The following HTR3B variants were observed in gnomAD, a reference collection of about 807,000 sequenced individuals.
The protein encoded by HTR3B is 5-hydroxytryptamine receptor 3B.
HTR3B carries 44 observed loss-of-function variants against 42.8 expected under a neutral mutation model. The ratio of observed to expected loss-of-function variants is 1.03; its 90% CI spans 0.81 to 1.32. The LOEUF is 1.32. Ranked by LOEUF, HTR3B falls within the 40% of genes most tolerant of loss-of-function variation. The pLI, the probability that HTR3B is intolerant of heterozygous loss-of-function variation, is 0.00. For missense variants in HTR3B, 527 were observed against 536.5 expected, an observed-to-expected ratio of 0.98 and a Z score of 0.17; for synonymous variants, 203 against 209.0, an observed-to-expected ratio of 0.97 and a Z score of 0.25.
At chr11:113,915,763 T>C (rs920536365) in intron 2 of HTR3B, among the ~76,000 whole-genome samples, 2 of 152,258 alleles carry the variant, frequency 1.3e-5, no homozygotes, top group Non-Finnish European at 1.5e-5. Flanking sequence ...GTGGCTGTTA[T>C]CATTTTGCAT....
chr11:113,919,959 A>G (rs539712896), intron 2 of HTR3B, among the ~76,000 whole-genome samples: 1 of 152,104 alleles, frequency 6.6e-6, no homozygotes, highest in Non-Finnish European at 1.5e-5. Flanking sequence ...CCCCTAATCA[A>G]TTGTTTCATT....
upstream of HTR3B, among the ~76,000 whole-genome samples, chr11:113,903,538 C>T (rs1203714193): frequency 6.6e-6 from 1 of 151,580 alleles, no homozygotes; most frequent in East Asian, 1.9e-4. Context: ...AAACAATTCC[C>T]CTGCCTCAGC....
chr11:113,900,565 C>T (rs1949690710), upstream of HTR3B, among the ~76,000 whole-genome samples: 1 of 152,088 alleles, frequency 6.6e-6, no homozygotes, highest in Non-Finnish European at 1.5e-5. Flanking sequence ...GCAATCTCGG[C>T]TCACTGCAAC....
At chr11:113,911,283 T>C (rs1446339961) in intron 2 of HTR3B, among the ~76,000 whole-genome samples, 2 of 152,174 alleles carry the variant, frequency 1.3e-5, no homozygotes, top group African/African-American at 2.4e-5. Context: ...CAGGCTGGAT[T>C]GCAGTGGCAC....
rs895639471 is a variant in HTR3B, at chr11:113,909,149, C to T, written c.53-146C>T. ...TACTTTAAGCATTTGCCAAAGGCCC[C>T]ACCAGCTGGCTGTGAATTGATGCAG... On this transcript the variant is annotated intron_variant, in intron 1 of 8. Transcript: ENST00000260191. 1.9e-5 allele frequency: 13 copies of T among 671,908 alleles called. No individual in the cohort carries two copies. The Admixed American group carries it at 2.7e-4, about 14-fold the overall frequency. The allele number at this position is 671,908 out of a possible 1,614,324, so 41.6% of individuals were successfully genotyped here. A position where few individuals can be genotyped will look rare whatever the true frequency, so the allele number is the denominator to read the frequency against.
upstream of HTR3B, among the ~76,000 whole-genome samples, chr11:113,903,746 T>C (rs978189474): frequency 2.6e-5 from 4 of 152,204 alleles, no homozygotes; most frequent in Admixed American, 6.5e-5. Context: ...ATTATTTATA[T>C]ATTTAGCAAA....
rs1285765696 is a variant in HTR3B, at chr11:113,948,126, T to G, written c.*1989T>G. ...TAATGAAATGAGGAACATAAGAAGT[T>G]TGTGAACAGGAAGTGTCCATGCAAA... On this transcript the variant is annotated 3_prime_UTR_variant, in exon 9 of 9. Coordinates refer to ENST00000260191, the MANE Select transcript of HTR3B (RefSeq NM_006028.5). Among the ~76,000 whole-genome samples the G allele has an allele frequency of 6.6e-6, 1 of 152,214 alleles. No individual in the cohort carries two copies. Among genetic ancestry groups the G allele is most frequent in the East Asian group, 1.9e-4 (1 of 5,200 alleles).
rs543199307 is a variant in HTR3B at position 113,946,528 on chromosome 11, CA to C, written c.*399del. 1.4e-3 allele frequency: 213 copies of C among 156,028 alleles called. No homozygotes were observed. The highest frequency in any genetic ancestry group is 4.4e-3 in the South Asian group (24 of 5,430). The allele number at this position is 156,028 out of a possible 1,614,324, so 9.7% of individuals were successfully genotyped here. The stretch of plus-strand genomic sequence containing the variant: ...TGGGTGACAGAGCAAGACCCTGTCT[CA>C]AAAAAAATAAAATAAAAGGCTTTCT... On this transcript the variant is annotated 3_prime_UTR_variant, in exon 9 of 9. Transcript: ENST00000260191.
At chr11:113,945,050 C>T (rs1950166379) in intron 8 of HTR3B, among the ~76,000 whole-genome samples, 1 of 152,064 alleles carries the variant, frequency 6.6e-6, no homozygotes, top group African/African-American at 2.4e-5. Context: ...GGCGATCTTC[C>T]CTCCTTTGCC....
chr11:113,931,807 T>C lies in HTR3B; in HGVS notation c.308T>C (p.Ile103Thr). ...TGGAACTCCAGCATGTTTGATGAGA[T>C]TAGAGAGATCTCCCTACCTCTAAGT... ...LSWNSSMFDE[I>T]REISLPLSAI... Residue 103 changes from isoleucine to threonine, a missense_variant, in exon 4 of 9, where the codon ATT (isoleucine) becomes ACT (threonine). Coordinates refer to ENST00000260191, the MANE Select transcript of HTR3B (RefSeq NM_006028.5). 6.2e-7 allele frequency: 1 copy of C among 1,612,972 alleles called. No individual in the cohort carries two copies. The highest frequency in any genetic ancestry group is 8.5e-7 in the Non-Finnish European group (1 of 1,178,912).
At chr11:113,921,548 G>A (rs1304053954) in intron 2 of HTR3B, among the ~76,000 whole-genome samples, 1 of 151,642 alleles carries the variant, frequency 6.6e-6, no homozygotes, top group East Asian at 2.0e-4. Flanking sequence ...GGACCCAGGA[G>A]GCAGAGATTG....
chr11:113,929,702 A>C (rs1308380497), intron 2 of HTR3B, among the ~76,000 whole-genome samples: 1 of 151,954 alleles, frequency 6.6e-6, no homozygotes, highest in Non-Finnish European at 1.5e-5. Context: ...CTTTAGAGAG[A>C]TGTCTATTCA....
chr11:113,936,051 T>C (rs1950089494), intron 6 of HTR3B, among the ~76,000 whole-genome samples: 1 of 152,110 alleles, frequency 6.6e-6, no homozygotes, highest in Admixed American at 6.5e-5. Flanking sequence ...GCATAGGCAC[T>C]TCTCCCTACA....
chr11:113,910,529 G>C (rs10891606), intron 2 of HTR3B, among the ~76,000 whole-genome samples: 57,839 of 149,942 alleles, frequency 0.39, 11,757 homozygotes, highest in African/African-American at 0.5. Flanking sequence ...CAACCTTTGC[G>C]TCCCCGGTTC....
At chr11:113,917,824 C>T (rs7129045) in intron 2 of HTR3B, among the ~76,000 whole-genome samples, 5,408 of 152,134 alleles carry the variant, frequency 0.036, 283 homozygotes, top group African/African-American at 0.12. Flanking sequence ...ACCATGGTCA[C>T]TAACTCCTGA....
chr11:113,900,309 A>G (rs1949689080), upstream of HTR3B, among the ~76,000 whole-genome samples: 1 of 152,032 alleles, frequency 6.6e-6, no homozygotes, highest in East Asian at 1.9e-4. Flanking sequence ...CCAAATTTTG[A>G]CTTACATATA....
At chr11:113,931,164 C>A (rs1222091936) in intron 2 of HTR3B, among the ~76,000 whole-genome samples, 1 of 152,082 alleles carries the variant, frequency 6.6e-6, no homozygotes, top group African/African-American at 2.4e-5. Flanking sequence ...AGGCAAAGTG[C>A]CGTTTTGTCA....
At chr11:113,910,046 T>C (rs1258397428) in intron 2 of HTR3B, among the ~76,000 whole-genome samples, 2 of 145,350 alleles carry the variant, frequency 1.4e-5, no homozygotes, top group Non-Finnish European at 3.0e-5. Flanking sequence ...ATTGTATGAA[T>C]ATTGCTGAAA....
intron 1 of HTR3B, among the ~76,000 whole-genome samples, 194 bp downstream of exon 1, chr11:113,905,179 G>A (rs949405731): frequency 1.1e-4 from 16 of 151,930 alleles, no homozygotes; most frequent in East Asian, 3.9e-4. Flanking sequence ...TTGCAAATAC[G>A]TATACATATA....
Sources: gnomAD v4.1 joint callset for allele counts (sites outside exome capture counted in the v4.1 genomes callset) on GRCh38, gnomAD v4.1.1 for gene constraint, MANE v1.5 for transcripts, NCBI Gene and HGNC (gene_info 2026-07-23, HGNC 2026-07-21) for gene names.